NCOR2: variants seen among roughly 807,000 people sequenced by gnomAD.
NCOR2 encodes nuclear receptor corepressor 2, also known as CTG repeat protein 26.
A neutral mutation model predicts 262.9 loss-of-function variants in NCOR2; 81 were observed. The ratio of observed to expected loss-of-function variants is 0.31; its 90% confidence interval spans 0.26 to 0.37. The LOEUF (loss-of-function observed/expected upper bound fraction) is 0.37, where lower values mean the gene tolerates loss of function less well. Among genes scored for constraint, NCOR2 ranks in the 10% least tolerant of loss-of-function variants. The probability of loss-of-function intolerance (pLI) is 1.00; values close to 1 mark genes in which losing one functional copy is unlikely to be tolerated. For synonymous variants in NCOR2, 1,659 were observed against 1,559.3 expected, an observed-to-expected ratio of 1.06 and a Z score of -1.51; for missense variants, 3,385 against 3,621.4, an observed-to-expected ratio of 0.93 and a Z score of 1.68.
At chr12:124,438,705 AGG>A (rs2044536496) in intron 7 of NCOR2, among the ~76,000 whole-genome samples, 1 of 129,166 alleles carries the variant, frequency 7.7e-6, no homozygotes, top group African/African-American at 2.7e-5. Context: ...CCAGAAAGAG[AGG>A]GAGACAGAGA....
At chr12:124,344,070 G>A (rs900832715) in intron 32 of NCOR2, among the ~76,000 whole-genome samples, 5 of 152,214 alleles carry the variant, frequency 3.3e-5, no homozygotes, top group Non-Finnish European at 5.9e-5. Flanking sequence ...GGAAGGCGGG[G>A]ACATGGCAGG....
chr12:124,422,691 C>A, intron 11 of NCOR2, 136 bp from the exon 14 acceptor site: 2 of 952,022 alleles, frequency 2.1e-6, no homozygotes, highest in Non-Finnish European at 3.2e-6. Flanking sequence ...CAATTAAGCC[C>A]AGGGGGGTGT....
At chr12:124,412,226 T>C (rs994762637) in intron 13 of NCOR2, among the ~76,000 whole-genome samples, 1 of 152,230 alleles carries the variant, frequency 6.6e-6, no homozygotes, top group African/African-American at 2.4e-5. Context: ...ACCATCCAAG[T>C]TTCAGAAACG....
chr12:124,412,593 C>T (rs1445097279), intron 13 of NCOR2, among the ~76,000 whole-genome samples: 5 of 152,248 alleles, frequency 3.3e-5, no homozygotes, highest in East Asian at 3.9e-4. Context: ...CCACCCCAAA[C>T]ACCTGGGAAG....
At chr12:124,388,870 G>T in intron 16 of NCOR2, 3 of 629,408 alleles carry the variant, frequency 4.8e-6, no homozygotes, top group Non-Finnish European at 5.6e-6. Context: ...CACGGTGAGG[G>T]AGGGAGGGAG....
At chr12:124,545,987 G>A (rs1162858487) in intron 1 of NCOR2, among the ~76,000 whole-genome samples, 3 of 152,226 alleles carry the variant, frequency 2.0e-5, no homozygotes, top group Non-Finnish European at 4.4e-5. Flanking sequence ...GGTATGCATA[G>A]GTGAAGCATA....
intron 10 of NCOR2, among the ~76,000 whole-genome samples, chr12:124,428,191 G>A (rs929921104): frequency 1.3e-5 from 2 of 152,114 alleles, no homozygotes; most frequent in African/African-American, 2.4e-5. Flanking sequence ...TAAACCCACA[G>A]CCAGCCTCTC....
rs1235945130 is a variant in NCOR2, at chr12:124,454,844, G to A, written c.762+2262C>T. On this transcript the variant is annotated intron_variant, in intron 6 of 46. Transcript: ENST00000405201. The surrounding 1 kb of genome is among the most constrained non-coding windows in gnomAD (Gnocchi z 5.6). Reference sequence around the variant, plus strand: ...TGAAGACGTACGTTCACATGGAAACGGCACACTAATGTTCACAGCAACTTT... The same window carrying A: ...TGAAGACGTACGTTCACATGGAAACAGCACACTAATGTTCACAGCAACTTT... 1.3e-5 allele frequency among the ~76,000 whole-genome samples: 2 copies of A among 152,116 alleles called. No homozygotes were observed. The highest frequency in any genetic ancestry group is 1.9e-4 in the East Asian group (1 of 5,198).
rs1281487801 is a variant in NCOR2, at chr12:124,481,115, A to G, written c.411+2481T>C. The stretch of plus-strand genomic sequence containing the variant: ...AGGAAGCAGGGGGTGAAGGGGAGTG[A>G]GCAGGACAGGGGGGCTGTTTGGGTG... On this transcript the variant is annotated intron_variant, in intron 3 of 46. Transcript: ENST00000405201. The surrounding 1 kb of genome is among the most constrained non-coding windows in gnomAD (Gnocchi z 4.6). Among the ~76,000 whole-genome samples, 1 of 147,422 alleles carries G rather than the reference A, an allele frequency of 6.8e-6. No individual in the cohort carries two copies. The highest frequency in any genetic ancestry group is 6.8e-5 in the Admixed American group (1 of 14,800).
At chr12:124,516,663 G>A (rs2049813182) in intron 1 of NCOR2, among the ~76,000 whole-genome samples, 1 of 152,058 alleles carries the variant, frequency 6.6e-6, no homozygotes, top group Non-Finnish European at 1.5e-5. Flanking sequence ...CAAGGAAACT[G>A]AGGCTCTGTG....
rs377291666 is a variant in NCOR2 at position 124,391,559 on chromosome 12, C to T, written c.1877-5672G>A. 1.8e-4 allele frequency among the ~76,000 whole-genome samples: 27 copies of T among 152,280 alleles called. No homozygotes were observed. In the East Asian group the frequency reaches 5.2e-3, roughly 29 times the overall value. ...GCATTGACACCCTTGACAGGCCGGG[C>T]ACTCCTGCGTGTCTTGTCAGGACTT... On this transcript the variant is annotated intron_variant, in intron 16 of 46. Coordinates refer to ENST00000405201, the Ensembl canonical transcript of NCOR2.
At chr12:124,334,380 T>A in intron 41 of NCOR2, 44 bp downstream of exon 43, 1 of 1,419,196 alleles carries the variant, frequency 7.0e-7, no homozygotes, top group Non-Finnish European at 9.6e-7. Context: ...GACGAAGGCC[T>A]CCCGCCGGCT....
chr12:124,361,843 T>G (rs1302765651), intron 22 of NCOR2, among the ~76,000 whole-genome samples: 1 of 150,656 alleles, frequency 6.6e-6, no homozygotes, highest in Non-Finnish European at 1.5e-5. Flanking sequence ...TAAGATGGAT[T>G]TCTGGCTTTG....
intron 13 of NCOR2, among the ~76,000 whole-genome samples, chr12:124,417,105 G>GCCGGACAGTCACTCCATGGAGAGCAGA (rs1565923862): frequency 5.5e-5 from 7 of 126,612 alleles, no homozygotes; most frequent in African/African-American, 2.7e-4. Flanking sequence ...CGGAGAGCAG[G>GCCGGACAGTCACTCCATGGAGAGCAGA]CCGGACAGTC....
intron 45 of NCOR2, among the ~76,000 whole-genome samples, chr12:124,327,046 G>T (rs1447734557): frequency 6.6e-6 from 1 of 152,172 alleles, no homozygotes; most frequent in Non-Finnish European, 1.5e-5. Flanking sequence ...CACAGTGTGG[G>T]TGGGGCTTCA....
In NCOR2 at chr12:124,503,573, AAGACGGAC is replaced by A. The variant is rs1371392865; in HGVS notation, c.-117-8213_-117-8206del. On this transcript the variant is annotated intron_variant, in intron 1 of 46. Transcript: ENST00000404621. This position sits in a 1 kb window ranked among gnomAD's most constrained non-coding sequence, Gnocchi z 4.3. ...GACGAATGGATGGATGGATAGATGG[AAGACGGAC>A]GGATGGACGGATGGATGGATGGACG... is the stretch of plus-strand genomic sequence containing the variant. Among the ~76,000 whole-genome samples the A allele has an allele frequency of 6.7e-6, 1 of 149,112 alleles. No homozygotes were observed. Among genetic ancestry groups the A allele is most frequent in the East Asian group, 2.0e-4 (1 of 5,082 alleles).
intron 1 of NCOR2, among the ~76,000 whole-genome samples, chr12:124,547,809 C>A (rs1389742086): frequency 6.6e-6 from 1 of 152,176 alleles, no homozygotes; most frequent in Non-Finnish European, 1.5e-5. Context: ...ATCATGGTTT[C>A]AAGGTTCACC....
At chr12:124,433,122 G>A (rs1047579539) in intron 8 of NCOR2, among the ~76,000 whole-genome samples, 3 of 152,184 alleles carry the variant, frequency 2.0e-5, no homozygotes, top group East Asian at 1.9e-4. Context: ...TGACCATGAC[G>A]GTCCCCACGA....
At chr12:124,385,276 C>T (rs2040715441) in intron 17 of NCOR2, among the ~76,000 whole-genome samples, 1 of 152,188 alleles carries the variant, frequency 6.6e-6, no homozygotes, top group Non-Finnish European at 1.5e-5. Flanking sequence ...GCCCCCGCCC[C>T]CCCAGACCTG....
Sources: gnomAD v4.1 joint callset for allele counts (sites outside exome capture counted in the v4.1 genomes callset) on GRCh38, gnomAD v4.1.1 for gene constraint, Gnocchi (gnomAD v3.1) non-coding constraint, MANE v1.5 for transcripts, NCBI Gene and HGNC (gene_info 2026-07-23, HGNC 2026-07-21) for gene names.